The following SSBP2 variants were observed in gnomAD, a reference collection of about 807,000 sequenced individuals.
SSBP2 encodes the protein single stranded DNA binding protein 2, also known as single-stranded DNA-binding protein 2.
In SSBP2, 17 loss-of-function variants were observed where a neutral mutation model predicts 61.8. The ratio of observed to expected loss-of-function variants is 0.28; its 90% CI spans 0.19 to 0.41. SSBP2 has a LOEUF of 0.41. Ranked by LOEUF, SSBP2 falls within the 10% of genes least tolerant of loss-of-function variation. The pLI is 1.00. For missense variants in SSBP2, 310 were observed against 458.7 expected, an observed-to-expected ratio of 0.68 and a Z score of 2.96; for synonymous variants, 139 against 141.3, an observed-to-expected ratio of 0.98 and a Z score of 0.12.
intron 1 of SSBP2, among the ~76,000 whole-genome samples, chr5:81,708,218 T>A (rs1581392618): frequency 6.6e-6 from 1 of 152,132 alleles, no homozygotes. Flanking sequence ...GTCTCTGCCT[T>A]CAAGGAGCTC....
chr5:81,629,606 A>G (rs1008066371), intron 3 of SSBP2, among the ~76,000 whole-genome samples: 1 of 152,142 alleles, frequency 6.6e-6, no homozygotes, highest in African/African-American at 2.4e-5. Flanking sequence ...TTTCTCTATG[A>G]TGCCTTTTCT....
At chr5:81,598,514 G>C (rs565469809) in intron 4 of SSBP2, among the ~76,000 whole-genome samples, 2 of 152,256 alleles carry the variant, frequency 1.3e-5, no homozygotes, top group South Asian at 4.1e-4. Flanking sequence ...TATCATTACT[G>C]TTTGGGGATA....
At chr5:81,480,371 G>C (rs1765895314) in intron 6 of SSBP2, among the ~76,000 whole-genome samples, 1 of 152,116 alleles carries the variant, frequency 6.6e-6, no homozygotes, top group Non-Finnish European at 1.5e-5. Flanking sequence ...TATATGTTTT[G>C]TTTACACCAT....
chr5:81,473,734 G>A lies in SSBP2; in HGVS notation c.536C>T (p.Thr179Ile). 1 of 1,613,968 alleles carries A rather than the reference G, an allele frequency of 6.2e-7. No homozygotes were observed. The highest frequency in any genetic ancestry group is 8.5e-7 in the Non-Finnish European group (1 of 1,179,914). The stretch of plus-strand genomic sequence containing the variant: ...TAAGGGCACCATTCCTCTTGGAGGA[G>A]TCATTCTCTGCATTGGCCCACCCAT... The change falls in exon 8 of 17, where the codon ACT becomes ATT. Residue 179 changes from threonine (T) to isoleucine (I), a missense_variant. Transcript: ENST00000320672.
At chr5:81,719,623 G>C (rs1482458427) in intron 1 of SSBP2, among the ~76,000 whole-genome samples, 1 of 152,180 alleles carries the variant, frequency 6.6e-6, no homozygotes, top group Non-Finnish European at 1.5e-5. Context: ...GACAGGCACA[G>C]AGACAACTGC....
chr5:81,750,672 G>A, intron 1 of SSBP2: 1 of 384,054 alleles, frequency 2.6e-6, no homozygotes, highest in South Asian at 3.1e-5. Flanking sequence ...TTTGGAAGGT[G>A]AACCCGCGGG....
chr5:81,573,981 A>G (rs953483219), intron 4 of SSBP2, among the ~76,000 whole-genome samples: 2 of 151,998 alleles, frequency 1.3e-5, no homozygotes, highest in Non-Finnish European at 2.9e-5. Flanking sequence ...TCTACTGAAA[A>G]ACAGAAAAAA....
intron 1 of SSBP2, among the ~76,000 whole-genome samples, chr5:81,665,664 T>TTTA (rs899154636): frequency 3.7e-4 from 57 of 152,020 alleles, no homozygotes; most frequent in Admixed American, 3.3e-3. Context: ...TGGCTAATTT[T>TTTA]TTATTATTAT....
intron 16 of SSBP2, among the ~76,000 whole-genome samples, chr5:81,423,280 T>C (rs908311090): frequency 1.3e-5 from 2 of 152,242 alleles, no homozygotes; most frequent in Non-Finnish European, 2.9e-5. Context: ...ATGTAGCTAG[T>C]ACAATTTAGG....
At chr5:81,716,883 G>A (rs1382517380) in intron 1 of SSBP2, among the ~76,000 whole-genome samples, 2 of 152,136 alleles carry the variant, frequency 1.3e-5, no homozygotes, top group Non-Finnish European at 2.9e-5. Context: ...AAGTATGTGT[G>A]TATCGCTCTG....
chr5:81,726,858 G>A (rs941265071), intron 1 of SSBP2, among the ~76,000 whole-genome samples: 1 of 152,112 alleles, frequency 6.6e-6, no homozygotes, highest in Non-Finnish European at 1.5e-5. Flanking sequence ...AGCATTAATT[G>A]AATGAACTAA....
At chr5:81,622,589 C>A (rs1348736432) in intron 3 of SSBP2, among the ~76,000 whole-genome samples, 1 of 152,142 alleles carries the variant, frequency 6.6e-6, no homozygotes, top group Non-Finnish European at 1.5e-5. Context: ...CAGTGTCTGA[C>A]ATATAACAAG....
chr5:81,569,310 C>T (rs1384937148), intron 4 of SSBP2, among the ~76,000 whole-genome samples: 1 of 152,158 alleles, frequency 6.6e-6, no homozygotes, highest in Non-Finnish European at 1.5e-5. Context: ...TGACCCTTTA[C>T]ACCATGAGTC....
chr5:81,570,627 C>T (rs926452804), intron 4 of SSBP2, among the ~76,000 whole-genome samples: 3 of 152,186 alleles, frequency 2.0e-5, no homozygotes, highest in African/African-American at 7.2e-5. Flanking sequence ...GGCGCCTGGA[C>T]TTGAACCCAC....
chr5:81,432,987 G>GC (rs1350663847), intron 15 of SSBP2, among the ~76,000 whole-genome samples: 4 of 150,120 alleles, frequency 2.7e-5, no homozygotes, highest in African/African-American at 9.9e-5. Flanking sequence ...GGAGGTGGGG[G>GC]GGGTCAGACT....
At chr5:81,725,195 AAG>A (rs2153979092) in intron 1 of SSBP2, among the ~76,000 whole-genome samples, 1 of 152,272 alleles carries the variant, frequency 6.6e-6, no homozygotes, top group African/African-American at 2.4e-5. Flanking sequence ...AATAAGGGGA[AAG>A]AGTTTTTTAG....
At chr5:81,692,363 A>G (rs1753274214) in intron 1 of SSBP2, among the ~76,000 whole-genome samples, 1 of 143,268 alleles carries the variant, frequency 7.0e-6, no homozygotes, top group South Asian at 2.1e-4. Flanking sequence ...GAGGACAACA[A>G]AAAAAATGGA....
At chr5:81,468,011 C>T (rs1006199770) in intron 8 of SSBP2, among the ~76,000 whole-genome samples, 1 of 151,970 alleles carries the variant, frequency 6.6e-6, no homozygotes, top group Non-Finnish European at 1.5e-5. Context: ...TCCTAAGCTC[C>T]CAGATAACTC....
At chr5:81,700,189 G>A (rs563187494) in intron 1 of SSBP2, among the ~76,000 whole-genome samples, 1 of 152,172 alleles carries the variant, frequency 6.6e-6, no homozygotes, top group African/African-American at 2.4e-5. Context: ...CAAAATTACT[G>A]CTTAATCCAT....
Sources: gnomAD v4.1 joint callset for allele counts (sites outside exome capture counted in the v4.1 genomes callset) on GRCh38, gnomAD v4.1.1 for gene constraint, MANE v1.5 for transcripts, NCBI Gene and HGNC (gene_info 2026-07-23, HGNC 2026-07-21) for gene names.